Variants in REV3L observed in about 807,000 individuals in gnomAD.
The protein encoded by REV3L is REV3 like, DNA directed polymerase zeta catalytic subunit, also known as DNA polymerase zeta catalytic subunit.
Under a neutral mutation model 299.4 loss-of-function variants are expected in REV3L, and 69 were observed. That is an observed-to-expected ratio of 0.23 (90% confidence interval 0.19 to 0.28). REV3L has a LOEUF of 0.28. REV3L is among the 10% of genes least tolerant of loss of function. The probability of loss-of-function intolerance (pLI) is 1.00; values close to 1 mark genes in which losing one functional copy is unlikely to be tolerated. For missense variants in REV3L, 3,128 were observed against 3,693.8 expected, an observed-to-expected ratio of 0.85 and a Z score of 3.97; for synonymous variants, 1,238 against 1,271.4, an observed-to-expected ratio of 0.97 and a Z score of 0.56.
intron 22 of REV3L, 109 bp from the exon 23 acceptor site, chr6:111,333,476 A>G: frequency 7.8e-7 from 1 of 1,274,702 alleles, no homozygotes. Context: ...AGATTGTATG[A>G]CTTTTTTTTT....
intron 9 of REV3L, among the ~76,000 whole-genome samples, chr6:111,385,409 A>G (rs573573929): frequency 6.6e-6 from 1 of 152,282 alleles, no homozygotes; most frequent in African/African-American, 2.4e-5. Context: ...AAAAAAATTT[A>G]AAAGTAAAAT....
chr6:111,351,562 C>T lies in REV3L; in HGVS notation c.7300+114G>A, dbSNP rs901703078. On this transcript the variant is annotated intron_variant, in intron 19 of 31. Coordinates refer to ENST00000368802, the MANE Select transcript of REV3L (RefSeq NM_001372078.1). ...AGTTATGCTATATCTAAAACTTACACAACTTAGTACTAAAAAATTGGGCTA... is the reference window on the plus strand; with the variant it reads ...AGTTATGCTATATCTAAAACTTACATAACTTAGTACTAAAAAATTGGGCTA... The T allele has an allele frequency of 8.1e-6, 5 of 619,184 alleles. No homozygotes were observed. In the African/African-American group the frequency reaches 9.4e-5, roughly 12 times the overall value. 38.4% of individuals were successfully genotyped at this position (619,184 alleles called of 1,614,324 possible). A position where few individuals can be genotyped will look rare whatever the true frequency, so the allele number is the denominator to read the frequency against.
chr6:111,378,134 T>C (rs1780492451), intron 11 of REV3L, among the ~76,000 whole-genome samples: 1 of 152,170 alleles, frequency 6.6e-6, no homozygotes, highest in African/African-American at 2.4e-5. Flanking sequence ...ATTCCTGCAT[T>C]CTGAATTGGA....
chr6:111,334,120 G>A (rs1435968786), intron 22 of REV3L, among the ~76,000 whole-genome samples: 1 of 152,056 alleles, frequency 6.6e-6, no homozygotes, highest in Non-Finnish European at 1.5e-5. Context: ...TGTATTTTTA[G>A]TAGAGATGGG....
At chr6:111,483,696 G>T, upstream of REV3L, 1 of 380,276 alleles carries the variant, frequency 2.6e-6, no homozygotes, top group South Asian at 1.8e-5. Context: ...GAGGAGGGAG[G>T]CGAGGCGCAG....
chr6:111,391,219 T>C (rs1028097012), intron 5 of REV3L, among the ~76,000 whole-genome samples: 1 of 151,936 alleles, frequency 6.6e-6, no homozygotes, highest in Non-Finnish European at 1.5e-5. Context: ...GCATGTGACA[T>C]CATGCAGAGT....
At chr6:111,355,098 G>A (rs1777955644) in intron 18 of REV3L, among the ~76,000 whole-genome samples, 2 of 152,048 alleles carry the variant, frequency 1.3e-5, no homozygotes, top group African/African-American at 2.4e-5. Flanking sequence ...ACAGAAAGAG[G>A]AAAATGATTG....
At chr6:111,408,474 G>A (rs1370791194) in intron 3 of REV3L, among the ~76,000 whole-genome samples, 1 of 151,856 alleles carries the variant, frequency 6.6e-6, no homozygotes, top group Non-Finnish European at 1.5e-5. Flanking sequence ...CATGGTGGTG[G>A]GCACCTGTAA....
At chr6:111,411,131 C>T (rs1046035204) in intron 3 of REV3L, among the ~76,000 whole-genome samples, 46 of 152,170 alleles carry the variant, frequency 3.0e-4, no homozygotes, top group African/African-American at 1.1e-3. Context: ...GGACTCACTC[C>T]TACATATTTC....
intron 17 of REV3L, among the ~76,000 whole-genome samples, chr6:111,358,005 C>T (rs1470970541): frequency 1.3e-5 from 2 of 151,626 alleles, no homozygotes; most frequent in East Asian, 3.9e-4. Flanking sequence ...AGCTCAAGCA[C>T]ATCACTGAAT....
Position 111,307,396 on chromosome 6 carries a change from G to T in REV3L, c.9217C>A (p.Arg3073=). ...TGCTCCTGTTGACGTTCCAACTCCC[G>T]GATTTCTTGGTTGAGGATGACTGCA... ...HVAVILNQEI[R]ELERQQEQLV... The change falls in exon 31 of 32, where the codon CGG becomes AGG. Residue 3073 remains arginine (R), a synonymous_variant. Coordinates refer to ENST00000368802, the MANE Select transcript of REV3L (RefSeq NM_001372078.1). The T allele has an allele frequency of 6.2e-7, 1 of 1,614,056 alleles. No homozygotes were observed. Among genetic ancestry groups the T allele is most frequent in the Non-Finnish European group, 8.5e-7 (1 of 1,179,992 alleles).
At position 111,412,766 on chromosome 6, in the gene REV3L, T is replaced by TAAA. The variant is rs61259712; in HGVS notation, c.330-1215_330-1213dup. ...ATTATTGTTATAAAGTAATTTCTGT[T>TAAA]AAAAAAAAAAAAAAACAACTATTTA... On this transcript the variant is annotated intron_variant, in intron 2 of 31. Transcript: ENST00000368802. Among the ~76,000 whole-genome samples the TAAA allele has an allele frequency of 5.7e-3, 828 of 144,376 alleles. 6 individuals are homozygous for TAAA. Among genetic ancestry groups the TAAA allele is most frequent in the African/African-American group, 0.018 (707 of 38,960 alleles). 94.7% of individuals were successfully genotyped at this position (144,376 alleles called of 152,430 possible).
chr6:111,431,211 A>G, intron 1 of REV3L: 1 of 1,565,102 alleles, frequency 6.4e-7, no homozygotes, highest in Non-Finnish European at 8.8e-7. Flanking sequence ...CAGATAGTTT[A>G]CTGGATGTTT....
At position 111,411,525 on chromosome 6, in the gene REV3L, CT is replaced by C; in HGVS notation, c.358del (p.Arg120AspfsTer4). 1.9e-6 allele frequency: 3 copies of C among 1,589,772 alleles called. No individual in the cohort carries two copies. The highest frequency in any genetic ancestry group is 1.7e-6 in the Non-Finnish European group (2 of 1,165,038). ...MPFYGYHEKE[R>X]HFMKIYLYNP... is the part of the protein sequence containing the mutation. ...GTAAAGATAGATCTTCATAAAGTGTCTTTCCTTCTCATGATAACCATAAAAA... is the reference window on the plus strand; with the variant it reads ...GTAAAGATAGATCTTCATAAAGTGTCTTCCTTCTCATGATAACCATAAAAA... On this transcript the variant is annotated frameshift_variant, in exon 3 of 32. Transcript: ENST00000368802. LOFTEE classifies it high-confidence loss of function.
At chr6:111,421,915 T>G (rs1356638399) in intron 1 of REV3L, among the ~76,000 whole-genome samples, 1 of 152,204 alleles carries the variant, frequency 6.6e-6, no homozygotes, top group Non-Finnish European at 1.5e-5. Flanking sequence ...TTTGCTTCTG[T>G]CTTTCTAAAT....
rs1458627717 is a variant in REV3L, at chr6:111,375,924, G to A, written c.2431C>T (p.Pro811Ser). 3 of 1,613,808 alleles carry A rather than the reference G, an allele frequency of 1.9e-6. No individual in the cohort carries two copies. The highest frequency in any genetic ancestry group is 2.7e-5 in the African/African-American group (2 of 74,880). ...TATGTGACAGGAGATAGTTTCTGTG[G>A]TCTAGTAAGACAGTTAGAAAGAACA... ...SVVLSNCLTR[P>S]QKLSPVTYKL... The change falls in exon 13 of 32, where the codon CCA becomes TCA. Residue 811 changes from proline (P) to serine (S), a missense_variant. By Grantham distance (74) the Pro-to-Ser change is moderately conservative. This residue lies in a region of REV3L where 2,409 missense variants were observed against 2,611.8 expected (regional missense o/e 0.92). Transcript: ENST00000368802.
intron 1 of REV3L, among the ~76,000 whole-genome samples, chr6:111,447,166 G>A (rs987005220): frequency 6.6e-6 from 1 of 152,138 alleles, no homozygotes; most frequent in African/African-American, 2.4e-5. Flanking sequence ...TAAAATTACA[G>A]AATACACCTG....
chr6:111,429,398 T>A (rs1367139751), intron 1 of REV3L, among the ~76,000 whole-genome samples: 2 of 151,790 alleles, frequency 1.3e-5, no homozygotes, highest in Middle Eastern at 3.2e-3. Context: ...CACATGGGAG[T>A]TCTTCCACCA....
At position 111,367,411 on chromosome 6, in the gene REV3L, G is replaced by A. The variant is rs1345870715; in HGVS notation, c.6377C>T (p.Pro2126Leu). 2.5e-6 allele frequency: 4 copies of A among 1,611,420 alleles called. No homozygotes were observed. The highest frequency in any genetic ancestry group is 2.5e-6 in the Non-Finnish European group (3 of 1,178,966). Residue 2126 changes from proline (P) to leucine (L), a missense_variant, in exon 14 of 32, where the codon CCC (proline) becomes CTC (leucine). Around this residue, in one of 9 missense-constraint regions of REV3L, gnomAD observed 2,409 missense variants for 2,611.8 expected, o/e 0.92. Transcript: ENST00000368802. ...SYSSPDSPVIPPWQQPISPDS... is the reference protein window; with the variant it reads ...SYSSPDSPVILPWQQPISPDS... Reference sequence around the variant, plus strand: ...TGGGGATATTGGTTGTTGCCAAGGGGGAATTACTGGAGAATCAGGGGAGCT... The same window carrying A: ...TGGGGATATTGGTTGTTGCCAAGGGAGAATTACTGGAGAATCAGGGGAGCT...
Sources: allele counts gnomAD v4.1 joint callset (sites outside exome capture counted in the v4.1 genomes callset), GRCh38; gene constraint gnomAD v4.1.1; regional missense constraint gnomAD v4.1.1; transcripts MANE v1.5; gene names NCBI Gene and HGNC (gene_info 2026-07-23, HGNC 2026-07-21).